SH3KBP1: variants seen among roughly 807,000 people sequenced by gnomAD.
SH3KBP1 encodes the protein SH3 domain containing kinase binding protein 1.
In SH3KBP1, 8 loss-of-function variants were observed where a neutral mutation model predicts 50.1. The ratio of observed to expected loss-of-function variants is 0.16; its 90% CI spans 0.09 to 0.29. The LOEUF (loss-of-function observed/expected upper bound fraction) is 0.29, where lower values mean the gene tolerates loss of function less well. SH3KBP1 is among the 10% of genes least tolerant of loss of function. The pLI is 1.00. For missense variants in SH3KBP1, 377 were observed against 535.2 expected (o/e 0.70, Z 2.92); for synonymous variants, 227 against 218.6 (o/e 1.04, Z -0.34).
At chrX:19,559,234 T>C (rs2065589397) in intron 13 of SH3KBP1, among the ~76,000 whole-genome samples, 1 of 69,768 alleles carries the variant, frequency 1.4e-5, no homozygotes, top group Non-Finnish European at 2.4e-5. Context: ...ATGGCGTCAC[T>C]GCACTCCAGT....
At chrX:19,763,874 T>G (rs1365010816) in intron 2 of SH3KBP1, among the ~76,000 whole-genome samples, 1 of 108,202 alleles carries the variant, frequency 9.2e-6, no homozygotes, top group Non-Finnish European at 1.9e-5. Context: ...ACACAAAAAC[T>G]AGCTGGACAC....
chrX:19,859,439 T>A (rs2068730994), intron 1 of SH3KBP1, among the ~76,000 whole-genome samples: 1 of 112,212 alleles, frequency 8.9e-6, no homozygotes. Context: ...TGAGCCACCA[T>A]GCCCAGCCTG....
intron 9 of SH3KBP1, among the ~76,000 whole-genome samples, chrX:19,607,024 CT>C (rs1230280257): frequency 8.0e-5 from 9 of 113,004 alleles, no homozygotes; most frequent in African/African-American, 2.9e-4. Flanking sequence ...CATCTAGCTT[CT>C]TAAACAATTA....
intron 5 of SH3KBP1, among the ~76,000 whole-genome samples, chrX:19,692,624 CGTGTGTGTGTGTGTGTGTGTGTGT>C (rs534431997): frequency 7.7e-4 from 53 of 68,685 alleles, no homozygotes; most frequent in African/African-American, 2.6e-3. Flanking sequence ...TATATACATA[CGTGTGTGTGTGTGTGTGTGTGTGT>C]GTGTGTGTGT....
At chrX:19,696,054 G>A (rs1259371882) in intron 4 of SH3KBP1, among the ~76,000 whole-genome samples, 2 of 111,660 alleles carry the variant, frequency 1.8e-5, no homozygotes, top group African/African-American at 6.5e-5. Context: ...AATATTAGAA[G>A]GACCTGTGAC....
At chrX:19,661,172 T>C (rs2062439453) in intron 6 of SH3KBP1, among the ~76,000 whole-genome samples, 1 of 112,676 alleles carries the variant, frequency 8.9e-6, no homozygotes, top group Admixed American at 9.4e-5. Context: ...TCCCACGGTA[T>C]TTTTATGTTT....
chrX:19,580,937 T>C (rs1316457522), intron 12 of SH3KBP1, among the ~76,000 whole-genome samples: 2 of 111,364 alleles, frequency 1.8e-5, no homozygotes, highest in Admixed American at 9.6e-5. Flanking sequence ...ACCTCTGTAA[T>C]TGCTTTTTTT....
At chrX:19,698,520 G>A (rs1010501761) in intron 4 of SH3KBP1, among the ~76,000 whole-genome samples, 13 of 111,930 alleles carry the variant, frequency 1.2e-4, no homozygotes, top group Admixed American at 9.4e-4. Context: ...CATTAACCAC[G>A]CAGTAAGTGG....
At chrX:19,825,782 G>A (rs1468410914) in intron 2 of SH3KBP1, among the ~76,000 whole-genome samples, 4 of 111,647 alleles carry the variant, frequency 3.6e-5, no homozygotes, top group Non-Finnish European at 5.6e-5. Context: ...GCTGAGGCAC[G>A]AGAGCTGTTT....
rs1018185585 is a variant in SH3KBP1, at chrX:19,579,492, T to C, written c.1298+9151A>G. Among the ~76,000 whole-genome samples the C allele has an allele frequency of 4.5e-5, 5 of 111,816 alleles. No individual in the cohort carries two copies. In the East Asian group the frequency reaches 1.1e-3, roughly 25 times the overall value. Reference sequence around the variant, plus strand: ...GGAGGAACCGTACTACTCAAAGACATAGCCCATGGAAAACACATTCTAGAA... The same window carrying C: ...GGAGGAACCGTACTACTCAAAGACACAGCCCATGGAAAACACATTCTAGAA... On this transcript the variant is annotated intron_variant, in intron 12 of 17. Transcript: ENST00000397821.
intron 2 of SH3KBP1, among the ~76,000 whole-genome samples, chrX:19,789,080 C>A (rs999037908): frequency 2.7e-5 from 3 of 111,377 alleles, no homozygotes; most frequent in Non-Finnish European, 3.8e-5. Context: ...GCTGAGATTG[C>A]GCCACTGCAC....
chrX:19,712,487 C>CT (rs755641553), intron 3 of SH3KBP1, among the ~76,000 whole-genome samples: 4 of 111,132 alleles, frequency 3.6e-5, no homozygotes, highest in East Asian at 2.8e-4. Context: ...CCTTTTTTCT[C>CT]TTTTTTTTAA....
intron 2 of SH3KBP1, among the ~76,000 whole-genome samples, chrX:19,796,532 C>A (rs1444572052): frequency 1.8e-5 from 2 of 111,790 alleles, no homozygotes; most frequent in East Asian, 5.6e-4. Flanking sequence ...AAGGTCGAGA[C>A]CTCACTAACA....
At chrX:19,604,207 A>G (rs905968646) in intron 9 of SH3KBP1, among the ~76,000 whole-genome samples, 2 of 111,821 alleles carry the variant, frequency 1.8e-5, no homozygotes, top group Admixed American at 1.9e-4. Context: ...ATAAACAGAC[A>G]GCCATTGAAT....
Position 19,536,280 on chromosome X carries a change from A to G in SH3KBP1, c.*137T>C. On this transcript the variant is annotated 3_prime_UTR_variant, in exon 18 of 18. Transcript: ENST00000397821. ...ATGGAATTTGTGTTGTGCTATCAAG[A>G]CTTTTGTGCTAATCTTTCAAACAGG... The G allele has an allele frequency of 2.4e-6, 1 of 424,347 alleles. No homozygotes were observed. Among genetic ancestry groups the G allele is most frequent in the East Asian group, 3.9e-5 (1 of 25,387 alleles). 35.0% of individuals were successfully genotyped at this position (424,347 alleles called of 1,213,427 possible).
At chrX:19,604,786 T>C (rs964341586) in intron 9 of SH3KBP1, among the ~76,000 whole-genome samples, 2 of 112,355 alleles carry the variant, frequency 1.8e-5, no homozygotes, top group African/African-American at 6.5e-5. Context: ...GGCTGGTTTT[T>C]ATAGACCAGA....
chrX:19,776,632 C>T (rs1363558587), intron 2 of SH3KBP1, among the ~76,000 whole-genome samples: 1 of 92,879 alleles, frequency 1.1e-5, no homozygotes, highest in Non-Finnish European at 2.0e-5. Flanking sequence ...ATTGTAATCT[C>T]AAACTCCTGG....
chrX:19,832,630 G>A (rs2067927131), intron 2 of SH3KBP1, among the ~76,000 whole-genome samples: 1 of 110,546 alleles, frequency 9.0e-6, no homozygotes, highest in Non-Finnish European at 1.9e-5. Flanking sequence ...CAGGGAGTTG[G>A]TGGGATAACC....
chrX:19,628,223 T>C (rs192097885), intron 8 of SH3KBP1, among the ~76,000 whole-genome samples: 97 of 112,065 alleles, frequency 8.7e-4, no homozygotes, highest in African/African-American at 3.1e-3. Context: ...CTACTTAACG[T>C]CATGGCATTC....
Sources: gnomAD v4.1 joint callset for allele counts (sites outside exome capture counted in the v4.1 genomes callset) on GRCh38, gnomAD v4.1.1 for gene constraint, MANE v1.5 for transcripts, NCBI Gene and HGNC (gene_info 2026-07-23, HGNC 2026-07-21) for gene names.